TLN2: variants seen among roughly 807,000 people sequenced by gnomAD.
TLN2 encodes the protein talin 2, also known as talin-2.
A neutral mutation model predicts 294.7 loss-of-function variants in TLN2; 118 were observed. That is an observed-to-expected ratio of 0.40 (90% confidence interval 0.34 to 0.47). The LOEUF is 0.47. TLN2 is among the 20% of genes least tolerant of loss of function. The pLI is 0.84. For missense variants in TLN2, 3,083 were observed against 3,282.2 expected, an observed-to-expected ratio of 0.94 and a Z score of 1.48; for synonymous variants, 1,431 against 1,304.5, an observed-to-expected ratio of 1.10 and a Z score of -2.09.
At chr15:62,760,290 G>A (rs1334376960) in intron 37 of TLN2, among the ~76,000 whole-genome samples, 1 of 152,184 alleles carries the variant, frequency 6.6e-6, no homozygotes, top group Non-Finnish European at 1.5e-5. Flanking sequence ...TGTAATTATT[G>A]TCCCAAGCTG....
chr15:62,610,667 G>C (rs2047841284), intron 2 of TLN2, among the ~76,000 whole-genome samples: 1 of 152,216 alleles, frequency 6.6e-6, no homozygotes, highest in Non-Finnish European at 1.5e-5. Context: ...AGAAAGCAGA[G>C]AGTTGCTGGG....
At chr15:62,417,737 C>G (rs2034170128) in intron 1 of TLN2, among the ~76,000 whole-genome samples, 1 of 152,230 alleles carries the variant, frequency 6.6e-6, no homozygotes, top group Admixed American at 6.5e-5. Flanking sequence ...ACTTGACTCT[C>G]AGCCACAACA....
chr15:62,501,765 C>G (rs1486610512), intron 1 of TLN2, among the ~76,000 whole-genome samples: 1 of 152,204 alleles, frequency 6.6e-6, no homozygotes, highest in Non-Finnish European at 1.5e-5. Flanking sequence ...ATTGCATGCT[C>G]TGACTAATGA....
At chr15:62,671,228 A>C (rs2055375519) in intron 9 of TLN2, among the ~76,000 whole-genome samples, 1 of 152,026 alleles carries the variant, frequency 6.6e-6, no homozygotes, top group Admixed American at 6.5e-5. Context: ...CATTCTATGG[A>C]TTGTATTTTC....
rs1464055230 is a variant in TLN2 at position 62,476,869 on chromosome 15, C to G, written c.-238+86184C>G. Among the ~76,000 whole-genome samples the G allele has an allele frequency of 2.6e-5, 4 of 152,196 alleles. No homozygotes were observed. In the East Asian group the frequency reaches 7.7e-4, roughly 29 times the overall value. ...TCATGTCTCATCCTAATGCCACCCC[C>G]TTTAGAGATGCTTATCTGACTACCT... On this transcript the variant is annotated intron_variant, in intron 1 of 58. Coordinates refer to ENST00000636159, the MANE Select transcript of TLN2 (RefSeq NM_015059.3).
chr15:62,669,132 C>A (rs117398995), intron 9 of TLN2, among the ~76,000 whole-genome samples: 2,478 of 152,280 alleles, frequency 0.016, 30 homozygotes, highest in Non-Finnish European at 0.025. Context: ...CTTTAGATTT[C>A]CATGATTTTT....
chr15:62,812,935 CG>C (rs1405097207), intron 52 of TLN2, among the ~76,000 whole-genome samples: 1 of 152,206 alleles, frequency 6.6e-6, no homozygotes, highest in Non-Finnish European at 1.5e-5. Flanking sequence ...GCCACCCAGT[CG>C]CTATGTCAAC....
intron 1 of TLN2, among the ~76,000 whole-genome samples, chr15:62,502,131 C>T (rs1045598578): frequency 2.6e-5 from 4 of 152,182 alleles, no homozygotes; most frequent in Non-Finnish European, 5.9e-5. Context: ...GGCATTGCCA[C>T]AAGTTTCTTC....
At chr15:62,833,776 C>G (rs748076939) in intron 55 of TLN2, 147 bp downstream of exon 55, 26 of 1,173,460 alleles carry the variant, frequency 2.2e-5, no homozygotes, top group Admixed American at 6.1e-5. Flanking sequence ...TGCTGACCGA[C>G]TGAAAACTAC....
At chr15:62,398,840 A>G (rs997301795) in intron 1 of TLN2, among the ~76,000 whole-genome samples, 1 of 152,248 alleles carries the variant, frequency 6.6e-6, no homozygotes, top group Non-Finnish European at 1.5e-5. Context: ...CTGACGCAGT[A>G]GAAAAGAAAA....
intron 14 of TLN2, among the ~76,000 whole-genome samples, chr15:62,694,933 T>C (rs2058218223): frequency 6.6e-6 from 1 of 152,232 alleles, no homozygotes; most frequent in Non-Finnish European, 1.5e-5. Flanking sequence ...CTAAATTCTC[T>C]TCTGGCATGA....
rs779989050 is a variant in TLN2 at position 62,686,680 on chromosome 15, C to A, written c.997C>A (p.Leu333Met). 1.7e-5 allele frequency: 27 copies of A among 1,613,976 alleles called. No individual in the cohort carries two copies. Among genetic ancestry groups the A allele is most frequent in the South Asian group, 1.4e-4 (13 of 91,040 alleles). ...CAAGAACAAGCTGGTGCCTCGCCTG[C>A]TGGGGATCACCAAAGACTCGGTGAT... ...KGKNKLVPRLLGITKDSVMRV... is the reference protein window; with the variant it reads ...KGKNKLVPRLMGITKDSVMRV... The change falls in exon 12 of 59, where the codon CTG (leucine) becomes ATG (methionine). Residue 333 changes from leucine (L) to methionine (M), a missense_variant. Physicochemically the swap from Leu to Met is conservative, Grantham distance 15 (BLOSUM62 2). Coordinates refer to ENST00000636159, the MANE Select transcript of TLN2 (RefSeq NM_015059.3).
At chr15:62,454,965 C>T (rs1209318162) in intron 1 of TLN2, among the ~76,000 whole-genome samples, 3 of 152,160 alleles carry the variant, frequency 2.0e-5, no homozygotes, top group South Asian at 2.1e-4. Context: ...GCTTATTCCT[C>T]ACTTTTCCTC....
chr15:62,423,672 C>G (rs2034543798), intron 1 of TLN2, among the ~76,000 whole-genome samples: 1 of 152,026 alleles, frequency 6.6e-6, no homozygotes, highest in African/African-American at 2.4e-5. Flanking sequence ...TATCCGTCTC[C>G]TGGGTTCAAG....
intron 14 of TLN2, among the ~76,000 whole-genome samples, chr15:62,697,469 G>C (rs1010196092): frequency 2.0e-5 from 3 of 152,142 alleles, no homozygotes; most frequent in African/African-American, 2.4e-5. Context: ...GATAAATTGG[G>C]AGTAATTATT....
chr15:62,470,729 A>G (rs2140360773), intron 1 of TLN2, among the ~76,000 whole-genome samples: 1 of 152,342 alleles, frequency 6.6e-6, no homozygotes, highest in African/African-American at 2.4e-5. Context: ...CAGTGCAGGC[A>G]CTGTGCTGGG....
Position 62,753,837 on chromosome 15 carries a change from C to T in TLN2, c.4397C>T (p.Pro1466Leu), listed in dbSNP as rs918493900. 17 of 1,612,558 alleles carry T rather than the reference C, an allele frequency of 1.1e-5. No homozygotes were observed. Among genetic ancestry groups the T allele is most frequent in the Non-Finnish European group, 1.4e-5 (17 of 1,179,426 alleles). The change falls in exon 36 of 59, where the codon CCC becomes CTC. Residue 1466 changes from proline to leucine, a missense_variant. By Grantham distance (98) the Pro-to-Leu change is moderately conservative (BLOSUM62 -3). Coordinates refer to ENST00000636159, the MANE Select transcript of TLN2 (RefSeq NM_015059.3). ...GCAGGCCACCAGGGCCTGGTGGACC[C>T]CATCCAGTTTGCCAGGGCTAACCAG... ...SQAGHQGLVDPIQFARANQAI... is the reference protein window; with the variant it reads ...SQAGHQGLVDLIQFARANQAI...
chr15:62,524,330 G>C (rs983316385), intron 1 of TLN2, among the ~76,000 whole-genome samples: 26 of 152,144 alleles, frequency 1.7e-4, no homozygotes, highest in African/African-American at 5.6e-4. Context: ...TTTATACTCT[G>C]AGTTTTTCTG....
chr15:62,620,831 CTTTTTCTT>C (rs2048742710), intron 3 of TLN2, among the ~76,000 whole-genome samples: 1 of 115,726 alleles, frequency 8.6e-6, no homozygotes, highest in South Asian at 2.7e-4. Flanking sequence ...TTTTTTCTTT[CTTTTTCTT>C]TTTTTTTTTT....
Sources: gnomAD v4.1 joint callset for allele counts (sites outside exome capture counted in the v4.1 genomes callset) on GRCh38, gnomAD v4.1.1 for gene constraint, MANE v1.5 for transcripts, NCBI Gene and HGNC (gene_info 2026-07-23, HGNC 2026-07-21) for gene names.